The following ENTPD1 variants were observed in gnomAD, a reference collection of about 807,000 sequenced individuals.
The protein encoded by ENTPD1 is ectonucleoside triphosphate diphosphohydrolase 1, also known as ATP diphosphohydrolase.
A neutral mutation model predicts 57.0 loss-of-function variants in ENTPD1; 33 were observed. The ratio of observed to expected loss-of-function variants is 0.58; its 90% CI spans 0.44 to 0.77. The LOEUF is 0.77. ENTPD1 is among the 30% of genes least tolerant of loss of function. The pLI is 0.00. For missense variants in ENTPD1, 501 were observed against 603.4 expected (o/e 0.83, Z 1.78); for synonymous variants, 202 against 218.8 (o/e 0.92, Z 0.68).
At chr10:95,720,754 T>C (rs1277610011) in intron 1 of ENTPD1, among the ~76,000 whole-genome samples, 1 of 152,212 alleles carries the variant, frequency 6.6e-6, no homozygotes, top group Non-Finnish European at 1.5e-5. Context: ...ATAAGGGGCA[T>C]GGACGAGGGG....
intron 1 of ENTPD1, among the ~76,000 whole-genome samples, chr10:95,780,386 A>G (rs769853377): frequency 2.0e-5 from 3 of 152,248 alleles, no homozygotes; most frequent in Non-Finnish European, 4.4e-5. Context: ...CTATGATTCA[A>G]ATCACTGCAC....
At chr10:95,773,087 C>T (rs2098120976) in intron 1 of ENTPD1, among the ~76,000 whole-genome samples, 1 of 151,812 alleles carries the variant, frequency 6.6e-6, no homozygotes, top group East Asian at 1.9e-4. Context: ...ATAGAGAGGC[C>T]GGTGCTAGCC....
chr10:95,858,237 C>T (rs1369550319), intron 7 of ENTPD1, among the ~76,000 whole-genome samples: 1 of 151,392 alleles, frequency 6.6e-6, no homozygotes, highest in Non-Finnish European at 1.5e-5. Flanking sequence ...AGAGACCCCT[C>T]TAAGGAGGGG....
chr10:95,755,496 A>AG, upstream of ENTPD1: 1 of 592,836 alleles, frequency 1.7e-6, no homozygotes, highest in South Asian at 2.1e-5. Context: ...TGCTCATTAG[A>AG]CTTCAAAGGT....
At chr10:95,853,155 T>C (rs974407848) in intron 7 of ENTPD1, among the ~76,000 whole-genome samples, 1 of 152,244 alleles carries the variant, frequency 6.6e-6, no homozygotes, top group African/African-American at 2.4e-5. Context: ...ACATCCCTTG[T>C]AAGTTGGACT....
upstream of ENTPD1, among the ~76,000 whole-genome samples, chr10:95,707,373 G>A (rs115172147): frequency 6.6e-6 from 1 of 152,322 alleles, no homozygotes; most frequent in African/African-American, 2.4e-5. Flanking sequence ...TACCTGGGTA[G>A]CTCCCACCCC....
At chr10:95,850,033 C>G (rs576780532) in intron 7 of ENTPD1, among the ~76,000 whole-genome samples, 4 of 152,240 alleles carry the variant, frequency 2.6e-5, no homozygotes, top group Non-Finnish European at 5.9e-5. Context: ...CTTGAGCAAA[C>G]CTTTCCTCCT....
At chr10:95,757,774 G>C (rs1029439328) in intron 1 of ENTPD1, among the ~76,000 whole-genome samples, 6 of 152,020 alleles carry the variant, frequency 3.9e-5, no homozygotes, top group Non-Finnish European at 8.8e-5. Context: ...GGAGGCCGAG[G>C]TGGGCGGATC....
intron 1 of ENTPD1, among the ~76,000 whole-genome samples, chr10:95,763,812 A>G (rs2098077085): frequency 1.3e-5 from 2 of 152,262 alleles, no homozygotes; most frequent in African/African-American, 4.8e-5. Context: ...TAGTTAACAC[A>G]CAGGCTTATA....
In ENTPD1 at chr10:95,867,106, C is replaced by G; in HGVS notation, c.*723C>G. The G allele has an allele frequency of 1.0e-6, 1 of 986,354 alleles. No individual in the cohort carries two copies. Among genetic ancestry groups the G allele is most frequent in the Non-Finnish European group, 1.2e-6 (1 of 830,632 alleles). 61.1% of individuals were successfully genotyped at this position (986,354 alleles called of 1,614,324 possible). On this transcript the variant is annotated 3_prime_UTR_variant, in exon 10 of 10. Transcript: ENST00000371205. ...GATGTAAATATATGCATTCAAACAT[C>G]AGGGCTTACTATGAGGTAGGTGGTA... is the stretch of plus-strand genomic sequence containing the variant.
chr10:95,833,332 G>A (rs1298871460), intron 2 of ENTPD1, among the ~76,000 whole-genome samples: 2 of 152,134 alleles, frequency 1.3e-5, no homozygotes, highest in Non-Finnish European at 2.9e-5. Flanking sequence ...ACTGTGGTTT[G>A]TATTAAAGAT....
chr10:95,781,661 C>T (rs1304243044), intron 1 of ENTPD1, among the ~76,000 whole-genome samples: 1 of 152,118 alleles, frequency 6.6e-6, no homozygotes, highest in African/African-American at 2.4e-5. Flanking sequence ...CAGTTTATGT[C>T]AGGTTGTAGT....
chr10:95,717,418 A>C lies in ENTPD1; in HGVS notation c.37+5425A>C, dbSNP rs547252253. 1.3e-4 allele frequency among the ~76,000 whole-genome samples: 19 copies of C among 150,808 alleles called. 1 individual carries two copies. The South Asian group carries it at 3.2e-3, about 25-fold the overall frequency. On this transcript the variant is annotated intron_variant, in intron 1 of 9. Transcript: ENST00000453258. Reference sequence around the variant, plus strand: ...CTCCCATAAAATGGGAGGGGACCCAAAGGGGGTTGCCGCTCCCTGCTCAAA... The same window carrying C: ...CTCCCATAAAATGGGAGGGGACCCACAGGGGGTTGCCGCTCCCTGCTCAAA...
intron 1 of ENTPD1, among the ~76,000 whole-genome samples, chr10:95,783,831 A>G (rs1669533296): frequency 6.6e-6 from 1 of 152,112 alleles, no homozygotes; most frequent in Admixed American, 6.6e-5. Context: ...AAAGAATAAC[A>G]AGTATTTATG....
chr10:95,800,741 T>C (rs1057428368), intron 1 of ENTPD1, among the ~76,000 whole-genome samples: 2 of 152,208 alleles, frequency 1.3e-5, no homozygotes, highest in African/African-American at 4.8e-5. Flanking sequence ...AATATGGCTG[T>C]ATTCTGCCCG....
chr10:95,724,658 G>A (rs1453835930), intron 1 of ENTPD1, among the ~76,000 whole-genome samples: 4 of 152,326 alleles, frequency 2.6e-5, no homozygotes, highest in African/African-American at 7.2e-5. Context: ...TGGGCACCTC[G>A]CTGGATCAGG....
chr10:95,746,285 T>G (rs7099844), intron 1 of ENTPD1, among the ~76,000 whole-genome samples: 76,231 of 151,906 alleles, frequency 0.5, 19,619 homozygotes, highest in Admixed American at 0.6. Context: ...AGTTCTCACA[T>G]ATTTATTCTC....
At chr10:95,832,487 T>C (rs1343496897) in intron 2 of ENTPD1, among the ~76,000 whole-genome samples, 1 of 152,186 alleles carries the variant, frequency 6.6e-6, no homozygotes. Context: ...GGTGGGGCGG[T>C]AGCTTTGACG....
intron 1 of ENTPD1, among the ~76,000 whole-genome samples, chr10:95,767,416 A>G (rs1264805071): frequency 6.6e-6 from 1 of 151,454 alleles, no homozygotes; most frequent in Non-Finnish European, 1.5e-5. Context: ...TGACCCCATT[A>G]TGAGAGAAGG....
Sources: gnomAD v4.1 joint callset for allele counts (sites outside exome capture counted in the v4.1 genomes callset) on GRCh38, gnomAD v4.1.1 for gene constraint, MANE v1.5 for transcripts, NCBI Gene and HGNC (gene_info 2026-07-23, HGNC 2026-07-21) for gene names.